Variants in SIPA1L3 observed in about 807,000 individuals in gnomAD.
The protein encoded by SIPA1L3 is signal-induced proliferation-associated 1-like protein 3.
In SIPA1L3, 59 loss-of-function variants were observed where a neutral mutation model predicts 150.1. That is an observed-to-expected ratio of 0.39 (90% CI 0.32 to 0.49). SIPA1L3 has a LOEUF of 0.49. Among genes scored for constraint, SIPA1L3 ranks in the 20% least tolerant of loss-of-function variants. The pLI, the probability that SIPA1L3 is intolerant of heterozygous loss-of-function variation, is 0.86. For synonymous variants in SIPA1L3, 1,070 were observed against 1,077.6 expected (o/e 0.99, Z 0.14); for missense variants, 2,211 against 2,489.5 (o/e 0.89, Z 2.38).
chr19:37,977,097 A>C (rs1217670247), intron 1 of SIPA1L3, among the ~76,000 whole-genome samples: 1 of 151,444 alleles, frequency 6.6e-6, no homozygotes, highest in Non-Finnish European at 1.5e-5. Context: ...TGAGCCTTCC[A>C]AAATGCTGGG....
chr19:38,125,900 G>A (rs575413590), intron 9 of SIPA1L3, among the ~76,000 whole-genome samples: 69 of 152,298 alleles, frequency 4.5e-4, no homozygotes, highest in African/African-American at 1.2e-3. Context: ...TCGGCCAAGC[G>A]CGGTGGCTCA....
chr19:38,027,890 A>C (rs187708598), intron 1 of SIPA1L3, among the ~76,000 whole-genome samples: 21 of 152,208 alleles, frequency 1.4e-4, no homozygotes, highest in Admixed American at 1.3e-3. Flanking sequence ...TCTGTGCCTC[A>C]GTTTCCTCAT....
rs1242258163 is a variant in SIPA1L3, at chr19:38,009,763, G to A, written c.-378-19326G>A. On this transcript the variant is annotated intron_variant, in intron 1 of 21. Transcript: ENST00000222345. Reference sequence around the variant, plus strand: ...CTGACCACCAAGATGGCGCTCCCTGGCCTCGTTGCCACACTGCTTCCCCAT... The same window carrying A: ...CTGACCACCAAGATGGCGCTCCCTGACCTCGTTGCCACACTGCTTCCCCAT... Among the ~76,000 whole-genome samples the A allele has an allele frequency of 2.0e-5, 3 of 152,040 alleles. No homozygotes were observed. In the East Asian group the frequency reaches 5.8e-4, roughly 29 times the overall value.
intron 2 of SIPA1L3, among the ~76,000 whole-genome samples, chr19:38,056,570 G>A (rs1969320632): frequency 6.6e-6 from 1 of 152,172 alleles, no homozygotes; most frequent in Non-Finnish European, 1.5e-5. Flanking sequence ...GTGTGCTTAA[G>A]TGCATTTAAT....
intron 1 of SIPA1L3, among the ~76,000 whole-genome samples, chr19:37,965,141 C>CA (rs1286761084): frequency 6.6e-6 from 1 of 152,046 alleles, no homozygotes; most frequent in Non-Finnish European, 1.5e-5. Context: ...GAATTAATCT[C>CA]ATCTGTTTTC....
At chr19:38,017,277 G>A (rs910810789) in intron 1 of SIPA1L3, among the ~76,000 whole-genome samples, 1 of 152,138 alleles carries the variant, frequency 6.6e-6, no homozygotes, top group Non-Finnish European at 1.5e-5. Flanking sequence ...CATGTAACAG[G>A]CATTTGCGGA....
intron 12 of SIPA1L3, among the ~76,000 whole-genome samples, chr19:38,143,675 A>G (rs1971644294): frequency 6.7e-6 from 1 of 149,632 alleles, no homozygotes; most frequent in Non-Finnish European, 1.5e-5. Flanking sequence ...AGTAGCTGGG[A>G]CTACAGGCTC....
In SIPA1L3 at chr19:38,079,532, T is replaced by A. The variant is rs113154175; in HGVS notation, c.-310-1724T>A. Among the ~76,000 whole-genome samples the A allele has an allele frequency of 1.9e-3, 283 of 150,808 alleles. 3 individuals are homozygous for A. Among genetic ancestry groups the A allele is most frequent in the African/African-American group, 6.7e-3 (275 of 40,952 alleles). On this transcript the variant is annotated intron_variant, in intron 2 of 21. Coordinates refer to ENST00000222345, the MANE Select transcript of SIPA1L3 (RefSeq NM_015073.3). ...GTCTCTATAGGGTGATTTGGGAAGGTTTTTGTGTTTGTTTTTGTTTTTGGG... is the reference window on the plus strand; with the variant it reads ...GTCTCTATAGGGTGATTTGGGAAGGATTTTGTGTTTGTTTTTGTTTTTGGG...
intron 2 of SIPA1L3, among the ~76,000 whole-genome samples, chr19:38,061,173 A>G (rs1236040799): frequency 1.3e-5 from 2 of 151,872 alleles, no homozygotes; most frequent in African/African-American, 2.4e-5. Flanking sequence ...GGCCAGGACA[A>G]TGCGGCACAT....
chr19:38,143,089 G>A (rs1040715759), intron 12 of SIPA1L3, among the ~76,000 whole-genome samples: 4 of 152,024 alleles, frequency 2.6e-5, no homozygotes, highest in Admixed American at 6.6e-5. Context: ...GCCCACTTGC[G>A]TCCATCTGCA....
At chr19:37,933,278 C>T (rs2145504156) in intron 1 of SIPA1L3, among the ~76,000 whole-genome samples, 1 of 152,168 alleles carries the variant, frequency 6.6e-6, no homozygotes, top group South Asian at 2.1e-4. Context: ...CTGCCTGCAA[C>T]ACTTCCCCTA....
At chr19:38,179,144 TA>T (rs1312176334) in intron 15 of SIPA1L3, among the ~76,000 whole-genome samples, 4 of 152,214 alleles carry the variant, frequency 2.6e-5, no homozygotes, top group Non-Finnish European at 4.4e-5. Flanking sequence ...CTGTAGTAAA[TA>T]AATACAGTTT....
intron 1 of SIPA1L3, among the ~76,000 whole-genome samples, chr19:37,985,180 T>TA (rs1209645765): frequency 6.6e-6 from 1 of 151,740 alleles, no homozygotes; most frequent in South Asian, 2.1e-4. Context: ...TTCTATCTCT[T>TA]AAAAAAATTG....
chr19:37,965,296 T>A (rs901556530), intron 1 of SIPA1L3, among the ~76,000 whole-genome samples: 27 of 151,526 alleles, frequency 1.8e-4, no homozygotes, highest in Admixed American at 8.6e-4. Context: ...TATGATTTTA[T>A]CAGTTCTTTT....
intron 1 of SIPA1L3, among the ~76,000 whole-genome samples, chr19:37,916,427 G>A (rs2046415273): frequency 6.7e-6 from 1 of 149,374 alleles, no homozygotes; most frequent in African/African-American, 2.5e-5. Context: ...TTGAGCCCAG[G>A]CACTACCACA....
rs1238742300 is a variant in SIPA1L3 at position 38,202,016 on chromosome 19, C to T, written c.5120+19C>T. On this transcript the variant is annotated intron_variant, in intron 20 of 21. Coordinates refer to ENST00000222345, the MANE Select transcript of SIPA1L3 (RefSeq NM_015073.3). Reference sequence around the variant, plus strand: ...CCATGAGGTGAGGTTTCCCTGGGAACACCCGGGTTCATACCAGCGGCAGGC... The same window carrying T: ...CCATGAGGTGAGGTTTCCCTGGGAATACCCGGGTTCATACCAGCGGCAGGC... The T allele has an allele frequency of 6.9e-6, 11 of 1,595,162 alleles. No individual in the cohort carries two copies. The highest frequency in any genetic ancestry group is 1.3e-5 in the African/African-American group (1 of 74,288).
intron 9 of SIPA1L3, among the ~76,000 whole-genome samples, chr19:38,121,374 C>T (rs980053179): frequency 2.0e-5 from 3 of 149,100 alleles, no homozygotes; most frequent in Non-Finnish European, 4.5e-5. Flanking sequence ...GAAGGCGAGG[C>T]TTGCAGTGAG....
chr19:38,096,916 C>G (rs556746250), intron 4 of SIPA1L3, among the ~76,000 whole-genome samples: 52 of 152,328 alleles, frequency 3.4e-4, no homozygotes, highest in African/African-American at 1.2e-3. Context: ...CATAACAGCA[C>G]TATTCACAGT....
intron 1 of SIPA1L3, among the ~76,000 whole-genome samples, chr19:38,013,815 AAT>A (rs1425954722): frequency 1.3e-5 from 2 of 152,262 alleles, no homozygotes; most frequent in Non-Finnish European, 2.9e-5. Context: ...GATTGAATAA[AAT>A]ATGGCACATC....
Sources: gnomAD v4.1 joint callset for allele counts (sites outside exome capture counted in the v4.1 genomes callset) on GRCh38, gnomAD v4.1.1 for gene constraint, MANE v1.5 for transcripts, NCBI Gene and HGNC (gene_info 2026-07-23, HGNC 2026-07-21) for gene names.